TSHZ1: variants seen among roughly 807,000 people sequenced by gnomAD.
TSHZ1 encodes teashirt homolog 1.
Under a neutral mutation model 67.1 loss-of-function variants are expected in TSHZ1, and 12 were observed. That is an observed-to-expected ratio of 0.18 (90% CI 0.11 to 0.29). TSHZ1 has a LOEUF of 0.29. TSHZ1 is among the 10% of genes least tolerant of loss of function. The pLI, the probability that TSHZ1 is intolerant of heterozygous loss-of-function variation, is 1.00. For missense variants in TSHZ1, 1,305 were observed against 1,413.9 expected (o/e 0.92, Z 1.23); for synonymous variants, 632 against 622.4 (o/e 1.02, Z -0.23).
chr18:75,266,788 A>G (rs1316610316), intron 1 of TSHZ1, among the ~76,000 whole-genome samples: 1 of 152,198 alleles, frequency 6.6e-6, no homozygotes, highest in African/African-American at 2.4e-5. Flanking sequence ...GTTCAGTGCA[A>G]TTTGTAGCCT....
intron 1 of TSHZ1, among the ~76,000 whole-genome samples, chr18:75,232,173 A>G (rs2023008081): frequency 6.6e-6 from 1 of 152,152 alleles, no homozygotes; most frequent in African/African-American, 2.4e-5. Flanking sequence ...TCAGCCTCCC[A>G]AAGTGCTGGG....
intron 1 of TSHZ1, chr18:75,244,616 C>T (rs1462029661): frequency 2.0e-5 from 3 of 152,234 alleles, no homozygotes; most frequent in Admixed American, 6.5e-5. Flanking sequence ...GCCGGAACCC[C>T]GGGATGGTGA....
intron 1 of TSHZ1, among the ~76,000 whole-genome samples, chr18:75,225,539 C>A (rs555662245): frequency 2.0e-5 from 3 of 152,224 alleles, no homozygotes; most frequent in Admixed American, 6.5e-5. Context: ...CCCCCACAGC[C>A]TCAGCAGGTC....
chr18:75,216,394 G>A (rs1260840498), intron 1 of TSHZ1, among the ~76,000 whole-genome samples: 1 of 152,150 alleles, frequency 6.6e-6, no homozygotes, highest in Non-Finnish European at 1.5e-5. Context: ...CAGTGGTGGG[G>A]TAATTTGTGA....
At chr18:75,267,211 A>G (rs1306124366) in intron 1 of TSHZ1, among the ~76,000 whole-genome samples, 1 of 152,214 alleles carries the variant, frequency 6.6e-6, no homozygotes, top group African/African-American at 2.4e-5. Flanking sequence ...CTCTGCTCAT[A>G]ATCCTGCGAA....
intron 1 of TSHZ1, among the ~76,000 whole-genome samples, chr18:75,264,882 C>T (rs933337507): frequency 3.9e-5 from 6 of 152,138 alleles, no homozygotes; most frequent in African/African-American, 1.2e-4. Flanking sequence ...TACTCAATTA[C>T]GCTTTAGGCA....
At chr18:75,221,145 A>AT (rs2022840203) in intron 1 of TSHZ1, 1 of 152,192 alleles carries the variant, frequency 6.6e-6, no homozygotes, top group South Asian at 2.1e-4. Context: ...GCTAGCTGCG[A>AT]TTTTAAAAGG....
intron 1 of TSHZ1, among the ~76,000 whole-genome samples, chr18:75,264,456 G>A (rs1360681501): frequency 2.0e-5 from 3 of 149,508 alleles, no homozygotes; most frequent in Admixed American, 6.7e-5. Flanking sequence ...CATGCTTAGC[G>A]TTCTCCCAGG....
chr18:75,244,865 C>A (rs551602166), intron 1 of TSHZ1, among the ~76,000 whole-genome samples: 1 of 152,108 alleles, frequency 6.6e-6, no homozygotes, highest in Admixed American at 6.5e-5. Context: ...CTGAAAAACA[C>A]GACCGTTTGA....
rs141620893 is a variant in TSHZ1 at position 75,287,930 on chromosome 18, C to T, written c.2523C>T (p.Ser841=). ...PLRESALMDI[S]DMVKNLTGRL... is the part of the protein sequence containing the mutation. Reference sequence around the variant, plus strand: ...GGGAGAGCGCACTCATGGACATCTCCGACATGGTGAAAAACCTCACAGGCC... The same window carrying T: ...GGGAGAGCGCACTCATGGACATCTCTGACATGGTGAAAAACCTCACAGGCC... The change falls in exon 2 of 2, where the codon TCC becomes TCT. Residue 841 remains serine, a synonymous_variant. Transcript: ENST00000580243. This position sits in a 1 kb window ranked among gnomAD's most constrained non-coding sequence, Gnocchi z 5.0. 75 of 1,614,208 alleles carry T rather than the reference C, an allele frequency of 4.6e-5. 1 individual carries two copies. Among genetic ancestry groups the T allele is most frequent in the African/African-American group, 3.6e-4 (27 of 75,060 alleles).
chr18:75,254,479 A>G (rs76317230), intron 1 of TSHZ1, among the ~76,000 whole-genome samples: 4 of 152,316 alleles, frequency 2.6e-5, no homozygotes, highest in African/African-American at 9.6e-5. Context: ...TGAATTCATT[A>G]TTTACTCATA....
chr18:75,223,523 C>G (rs1269735454), intron 1 of TSHZ1, among the ~76,000 whole-genome samples: 1 of 152,102 alleles, frequency 6.6e-6, no homozygotes, highest in Non-Finnish European at 1.5e-5. Context: ...TCCTTCAGTT[C>G]CATTTCAACA....
intron 1 of TSHZ1, among the ~76,000 whole-genome samples, chr18:75,241,189 C>G (rs545974493): frequency 6.6e-6 from 1 of 152,154 alleles, no homozygotes; most frequent in Non-Finnish European, 1.5e-5. Context: ...GGAAGTGGGT[C>G]GTGTCTCTAG....
intron 1 of TSHZ1, among the ~76,000 whole-genome samples, chr18:75,231,859 C>G (rs888296520): frequency 1.3e-5 from 2 of 151,854 alleles, no homozygotes; most frequent in African/African-American, 4.8e-5. Context: ...TTTAGATCTT[C>G]ACAGGGCTTC....
intron 1 of TSHZ1, among the ~76,000 whole-genome samples, chr18:75,227,818 G>A (rs190387044): frequency 1.3e-5 from 2 of 152,304 alleles, no homozygotes; most frequent in African/African-American, 2.4e-5. Context: ...GGCGGAGCTA[G>A]CCCTTTCATT....
chr18:75,285,182 G>A, intron 1 of TSHZ1: 1 of 296,410 alleles, frequency 3.4e-6, no homozygotes, highest in Non-Finnish European at 6.2e-6. Flanking sequence ...TTCCCACCAG[G>A]CTGCAAGGGT....
rs28580265 is a variant in TSHZ1, at chr18:75,239,057, G to A, written c.40+27141G>A. Among the ~76,000 whole-genome samples, 962 of 152,362 alleles carry A rather than the reference G, an allele frequency of 6.3e-3. 11 individuals are homozygous for A. The highest frequency in any genetic ancestry group is 0.022 in the African/African-American group (917 of 41,592). ...AGGCTTGGGGCTGGGATGCGGCCACGCAAGATGGGAGGTGGCCGCGGTGTA... is the reference window on the plus strand; with the variant it reads ...AGGCTTGGGGCTGGGATGCGGCCACACAAGATGGGAGGTGGCCGCGGTGTA... On this transcript the variant is annotated intron_variant, in intron 1 of 1. Coordinates refer to ENST00000580243, the MANE Select transcript of TSHZ1 (RefSeq NM_001308210.2).
rs537116683 is a variant in TSHZ1, at chr18:75,211,506, A to G, written c.-371A>G. On this transcript the variant is annotated 5_prime_UTR_variant, in exon 1 of 2. Transcript: ENST00000580243. Reference sequence around the variant, plus strand: ...CCGGGAGGAGCGCCCGCCCAGCAGCAGCGCGGCGGCGGGGAGGCGGCAGCA... The same window carrying G: ...CCGGGAGGAGCGCCCGCCCAGCAGCGGCGCGGCGGCGGGGAGGCGGCAGCA... 1 of 145,890 alleles carries G rather than the reference A, an allele frequency of 6.9e-6. No individual in the cohort carries two copies. The highest frequency in any genetic ancestry group is 2.5e-5 in the African/African-American group (1 of 40,114). 9.0% of individuals were successfully genotyped at this position (145,890 alleles called of 1,614,324 possible). A position where few individuals can be genotyped will look rare whatever the true frequency, so the allele number is the denominator to read the frequency against.
chr18:75,289,915 A>G lies in TSHZ1; in HGVS notation c.*1274A>G, dbSNP rs1357910676. 3 of 167,124 alleles carry G rather than the reference A, an allele frequency of 1.8e-5. No homozygotes were observed. Among genetic ancestry groups the G allele is most frequent in the Non-Finnish European group, 2.9e-5 (2 of 68,124 alleles). 10.4% of individuals were successfully genotyped at this position (167,124 alleles called of 1,614,324 possible). A position where few individuals can be genotyped will look rare whatever the true frequency, so the allele number is the denominator to read the frequency against. On this transcript the variant is annotated 3_prime_UTR_variant, in exon 2 of 2. Transcript: ENST00000580243. Reference sequence around the variant, plus strand: ...TTAAATCCACTGTTTTCTCAGATGTAAAATAAACCCACATGCAGTTCTTGA... The same window carrying G: ...TTAAATCCACTGTTTTCTCAGATGTGAAATAAACCCACATGCAGTTCTTGA...
Sources: gnomAD v4.1 joint callset for allele counts (sites outside exome capture counted in the v4.1 genomes callset) on GRCh38, gnomAD v4.1.1 for gene constraint, Gnocchi (gnomAD v3.1) non-coding constraint, MANE v1.5 for transcripts, NCBI Gene and HGNC (gene_info 2026-07-23, HGNC 2026-07-21) for gene names.